Variants in PLCL1 observed in about 807,000 individuals in gnomAD.
PLCL1 encodes the protein inactive phospholipase C-like protein 1.
Under a neutral mutation model 84.4 loss-of-function variants are expected in PLCL1, and 41 were observed. The observed-to-expected ratio is 0.49, with a 90% CI of 0.38 to 0.63. The LOEUF (loss-of-function observed/expected upper bound fraction) is 0.63, where lower values mean the gene tolerates loss of function less well. Among genes scored for constraint, PLCL1 ranks in the 30% least tolerant of loss-of-function variants. PLCL1 has a pLI of 0.00. For synonymous variants in PLCL1, 490 were observed against 488.3 expected (o/e 1.00, Z -0.05); for missense variants, 1,206 against 1,367.8 (o/e 0.88, Z 1.87).
intron 1 of PLCL1, among the ~76,000 whole-genome samples, chr2:197,910,410 C>A (rs887370429): frequency 6.6e-6 from 1 of 152,220 alleles, no homozygotes; most frequent in African/African-American, 2.4e-5. Flanking sequence ...ATTAGCTCAC[C>A]TTCTCCAAGG....
chr2:197,873,276 G>A (rs969622767), intron 1 of PLCL1, among the ~76,000 whole-genome samples: 1 of 152,064 alleles, frequency 6.6e-6, no homozygotes, highest in African/African-American at 2.4e-5. Flanking sequence ...TTAGCTTCTA[G>A]GTGGGAGCCT....
At chr2:198,082,467 C>T (rs1692738863) in intron 1 of PLCL1, among the ~76,000 whole-genome samples, 2 of 152,020 alleles carry the variant, frequency 1.3e-5, no homozygotes, top group South Asian at 2.1e-4. Flanking sequence ...ATTTTTGCTC[C>T]AAGGACAAGG....
chr2:197,861,462 T>C (rs1357169236), intron 1 of PLCL1, among the ~76,000 whole-genome samples: 1 of 152,166 alleles, frequency 6.6e-6, no homozygotes, highest in East Asian at 1.9e-4. Flanking sequence ...AACCAGAAAG[T>C]ATAAATAAGT....
In PLCL1 at chr2:197,805,235, C is replaced by T; in HGVS notation, c.136C>T (p.Arg46Cys). The T allele has an allele frequency of 7.9e-7, 1 of 1,270,206 alleles. No homozygotes were observed. The highest frequency in any genetic ancestry group is 9.9e-7 in the Non-Finnish European group (1 of 1,009,732). 78.7% of individuals were successfully genotyped at this position (1,270,206 alleles called of 1,614,324 possible). A position where few individuals can be genotyped will look rare whatever the true frequency, so the allele number is the denominator to read the frequency against. ...AASGGRMRDRRSGVALPGAAG... is the reference protein window; with the variant it reads ...AASGGRMRDRCSGVALPGAAG... ...CTCTGGGGGCCGGATGAGGGACCGTCGCAGCGGGGTCGCACTGCCAGGCGC... is the reference window on the plus strand; with the variant it reads ...CTCTGGGGGCCGGATGAGGGACCGTTGCAGCGGGGTCGCACTGCCAGGCGC... Residue 46 changes from arginine to cysteine, a missense_variant, in exon 1 of 6, where the codon CGC becomes TGC. By Grantham distance (180) the Arg-to-Cys change is radical (BLOSUM62 -3). Transcript: ENST00000428675. The surrounding 1 kb of genome is among the most constrained non-coding windows in gnomAD (Gnocchi z 4.0).
At chr2:197,864,173 G>A (rs1210827135) in intron 1 of PLCL1, among the ~76,000 whole-genome samples, 1 of 152,050 alleles carries the variant, frequency 6.6e-6, no homozygotes, top group East Asian at 1.9e-4. Flanking sequence ...ACCTCAATAA[G>A]GCAGTGGAGG....
chr2:197,998,175 ATGTGTGTG>A lies in PLCL1; in HGVS notation c.241-85548_241-85541del, dbSNP rs58332002. Among the ~76,000 whole-genome samples the A allele has an allele frequency of 4.5e-3, 598 of 131,964 alleles. 5 individuals are homozygous for A. Among genetic ancestry groups the A allele is most frequent in the African/African-American group, 0.015 (525 of 35,846 alleles). 86.6% of individuals were successfully genotyped at this position (131,964 alleles called of 152,430 possible). ...GAGTTTCCTTGAGAAGAATGGAGCT[ATGTGTGTG>A]TGTGTGTGTGTGTGTGTGTGTGTGT... is the stretch of plus-strand genomic sequence containing the variant. On this transcript the variant is annotated intron_variant, in intron 1 of 5. Transcript: ENST00000428675.
intron 1 of PLCL1, among the ~76,000 whole-genome samples, chr2:197,990,677 C>T (rs1031979029): frequency 1.1e-4 from 16 of 152,160 alleles, no homozygotes; most frequent in African/African-American, 3.9e-4. Context: ...GAGTCCCTCC[C>T]ATGACACATA....
rs140277565 is a variant in PLCL1, at chr2:197,964,699, C to T, written c.241-119059C>T. On this transcript the variant is annotated intron_variant, in intron 1 of 5. Coordinates refer to ENST00000428675, the MANE Select transcript of PLCL1 (RefSeq NM_006226.4). ...AAAGGCTTTCAGTTTTTTTGCTGTT[C>T]AATATGATACTAACTGTGGGTTTGT... Among the ~76,000 whole-genome samples the T allele has an allele frequency of 3.0e-3, 449 of 152,040 alleles. 5 individuals are homozygous for T. The highest frequency in any genetic ancestry group is 0.01 in the African/African-American group (434 of 41,482).
rs959974738 is a variant in PLCL1 at position 198,086,162 on chromosome 2, C to T, written c.2645C>T (p.Thr882Ile). Residue 882 changes from threonine to isoleucine, a missense_variant, in exon 2 of 6, where the codon ACC becomes ATC. Transcript: ENST00000428675. Reference sequence around the variant, plus strand: ...ATGCTCAGGAATATCGGTCTTAAAACCATTGATGACATCTTTAAAATAGCG... The same window carrying T: ...ATGCTCAGGAATATCGGTCTTAAAATCATTGATGACATCTTTAAAATAGCG... ...YTMLRNIGLKTIDDIFKIAVH... is the reference protein window; with the variant it reads ...YTMLRNIGLKIIDDIFKIAVH... 7 of 1,613,744 alleles carry T rather than the reference C, an allele frequency of 4.3e-6. No homozygotes were observed. Among genetic ancestry groups the T allele is most frequent in the Non-Finnish European group, 5.9e-6 (7 of 1,179,706 alleles).
chr2:198,112,322 C>A (rs569496194), intron 5 of PLCL1, among the ~76,000 whole-genome samples: 35 of 151,992 alleles, frequency 2.3e-4, no homozygotes, highest in Admixed American at 3.3e-4. Context: ...ACAACAACAA[C>A]AATACCAAAG....
chr2:197,925,442 C>T (rs1345512824), intron 1 of PLCL1, among the ~76,000 whole-genome samples: 1 of 152,106 alleles, frequency 6.6e-6, no homozygotes, highest in East Asian at 1.9e-4. Flanking sequence ...TTGGCTTTCC[C>T]AGATTTAACA....
chr2:197,838,310 CGAAGAGCA>C (rs1223555627), intron 1 of PLCL1, among the ~76,000 whole-genome samples: 4 of 152,126 alleles, frequency 2.6e-5, no homozygotes, highest in African/African-American at 9.7e-5. Flanking sequence ...ATTCTGCTTT[CGAAGAGCA>C]TTTAGCTTCT....
At chr2:198,071,655 T>C (rs1189044397) in intron 1 of PLCL1, among the ~76,000 whole-genome samples, 1 of 151,858 alleles carries the variant, frequency 6.6e-6, no homozygotes, top group African/African-American at 2.4e-5. Flanking sequence ...TTGTGAACAA[T>C]TTTTATAAAT....
chr2:198,054,626 C>T (rs1481759245), intron 1 of PLCL1, among the ~76,000 whole-genome samples: 2 of 152,238 alleles, frequency 1.3e-5, no homozygotes, highest in Non-Finnish European at 2.9e-5. Flanking sequence ...CCAAGATGAG[C>T]AGGCTGTTCC....
intron 1 of PLCL1, among the ~76,000 whole-genome samples, chr2:197,834,463 A>C (rs1691138382): frequency 6.6e-6 from 1 of 152,234 alleles, no homozygotes; most frequent in African/African-American, 2.4e-5. Context: ...CAAGAAAAAA[A>C]CAACCCCATC....
At chr2:197,904,656 C>T (rs1296486010) in intron 1 of PLCL1, among the ~76,000 whole-genome samples, 1 of 152,082 alleles carries the variant, frequency 6.6e-6, no homozygotes, top group African/African-American at 2.4e-5. Flanking sequence ...GCTTTCTACT[C>T]CCACCCCACT....
chr2:197,919,519 A>G (rs1688665822), intron 1 of PLCL1, among the ~76,000 whole-genome samples: 1 of 152,176 alleles, frequency 6.6e-6, no homozygotes, highest in Non-Finnish European at 1.5e-5. Context: ...ACCCCCACTC[A>G]TTGACTTCCT....
chr2:197,852,948 A>G (rs1687266314), intron 1 of PLCL1, among the ~76,000 whole-genome samples: 1 of 152,178 alleles, frequency 6.6e-6, no homozygotes, highest in African/African-American at 2.4e-5. Flanking sequence ...TTCTGCAACC[A>G]TTACCATCCA....
chr2:198,139,221 A>G (rs1367923389), intron 5 of PLCL1, among the ~76,000 whole-genome samples: 1 of 151,758 alleles, frequency 6.6e-6, no homozygotes. Context: ...TTCCTCATTT[A>G]TGGGATTATC....
Sources: allele counts gnomAD v4.1 joint callset (sites outside exome capture counted in the v4.1 genomes callset), GRCh38; gene constraint gnomAD v4.1.1; non-coding constraint Gnocchi (gnomAD v3.1); transcripts MANE v1.5; gene names NCBI Gene and HGNC (gene_info 2026-07-23, HGNC 2026-07-21).